The following PIBF1 variants were observed in gnomAD, a reference collection of about 807,000 sequenced individuals.
PIBF1 encodes the protein progesterone immunomodulatory binding factor 1.
PIBF1 carries 90 observed loss-of-function variants against 112.5 expected under a neutral mutation model. The observed-to-expected ratio is 0.80, with a 90% CI of 0.67 to 0.95. The LOEUF (loss-of-function observed/expected upper bound fraction) is 0.95. Among genes scored for constraint, PIBF1 ranks in the 40% least tolerant of loss-of-function variants. PIBF1 has a pLI of 0.00. For synonymous variants in PIBF1, 301 were observed against 288.6 expected (o/e 1.04, Z -0.44); for missense variants, 915 against 852.3 (o/e 1.07, Z -0.92).
chr13:72,868,913 G>A (rs1487182963), intron 10 of PIBF1, among the ~76,000 whole-genome samples: 1 of 150,968 alleles, frequency 6.6e-6, no homozygotes, highest in Non-Finnish European at 1.5e-5. Flanking sequence ...CATTCCACTT[G>A]AGATACCATC....
chr13:72,925,542 C>CTCT (rs2041450853), intron 13 of PIBF1, among the ~76,000 whole-genome samples: 1 of 102,032 alleles, frequency 9.8e-6, no homozygotes, highest in African/African-American at 3.8e-5. Flanking sequence ...CTTTCTCTCT[C>CTCT]TTTTTTTTTT....
chr13:72,794,285 A>G (rs1436598479), intron 3 of PIBF1, among the ~76,000 whole-genome samples: 1 of 152,178 alleles, frequency 6.6e-6, no homozygotes, highest in East Asian at 1.9e-4. Flanking sequence ...AGAGGAAAGG[A>G]TTTGGAGACA....
Position 72,906,652 on chromosome 13 carries a change from C to T in PIBF1, c.1489-1879C>T, listed in dbSNP as rs529161851. On this transcript the variant is annotated intron_variant, in intron 11 of 17. Coordinates refer to ENST00000326291, the MANE Select transcript of PIBF1 (RefSeq NM_006346.4). ...AGCCCACATCAGTAGTTTTTCAGGA[C>T]CTCTCTTTCACATTATGAAGATATT... is the stretch of plus-strand genomic sequence containing the variant. Among the ~76,000 whole-genome samples, 5 of 152,192 alleles carry T rather than the reference C, an allele frequency of 3.3e-5. No homozygotes were observed. The South Asian group carries it at 8.3e-4, about 25-fold the overall frequency.
At chr13:72,953,891 G>A (rs563180807) in intron 14 of PIBF1, among the ~76,000 whole-genome samples, 7 of 152,198 alleles carry the variant, frequency 4.6e-5, no homozygotes, top group Non-Finnish European at 8.8e-5. Flanking sequence ...GGCAATGGGC[G>A]GGGCTATGGA....
At chr13:72,853,431 G>A (rs1447758297) in intron 9 of PIBF1, among the ~76,000 whole-genome samples, 2 of 152,098 alleles carry the variant, frequency 1.3e-5, no homozygotes, top group East Asian at 1.9e-4. Flanking sequence ...ACTGAAAAGT[G>A]CTGTTCTACC....
chr13:72,986,767 T>C (rs1281264352), intron 16 of PIBF1, among the ~76,000 whole-genome samples: 1 of 147,998 alleles, frequency 6.8e-6, no homozygotes, highest in African/African-American at 2.5e-5. Context: ...CTCGGCTCAC[T>C]GCAAGCTCCG....
At chr13:72,868,668 A>C (rs2039024907) in intron 10 of PIBF1, among the ~76,000 whole-genome samples, 1 of 152,074 alleles carries the variant, frequency 6.6e-6, no homozygotes, top group African/African-American at 2.4e-5. Flanking sequence ...TATAACCAAT[A>C]TCACCTCTTC....
At chr13:72,993,302 G>C (rs1034808353) in intron 16 of PIBF1, among the ~76,000 whole-genome samples, 1 of 152,094 alleles carries the variant, frequency 6.6e-6, no homozygotes, top group Non-Finnish European at 1.5e-5. Flanking sequence ...TCCAGCCTGG[G>C]CGACAGAGCA....
intron 15 of PIBF1, among the ~76,000 whole-genome samples, chr13:72,965,658 A>G (rs1302400414): frequency 6.6e-6 from 1 of 152,224 alleles, no homozygotes; most frequent in African/African-American, 2.4e-5. Flanking sequence ...CATCTATCCT[A>G]GAGGACACAA....
chr13:72,895,581 A>G (rs1304537306), intron 11 of PIBF1, among the ~76,000 whole-genome samples: 1 of 151,960 alleles, frequency 6.6e-6, no homozygotes, highest in Admixed American at 6.6e-5. Context: ...ATAAATTTAA[A>G]CTTTTTTTTT....
chr13:72,887,755 A>G (rs1379033571), intron 10 of PIBF1, among the ~76,000 whole-genome samples: 1 of 152,028 alleles, frequency 6.6e-6, no homozygotes, highest in Non-Finnish European at 1.5e-5. Flanking sequence ...CTTTACCTGT[A>G]TGGGATATTA....
At chr13:72,790,463 A>ACACACT (rs1555280999) in intron 2 of PIBF1, among the ~76,000 whole-genome samples, 2 of 144,270 alleles carry the variant, frequency 1.4e-5, no homozygotes. Context: ...ACACACACAC[A>ACACACT]CTTATAGATA....
intron 12 of PIBF1, among the ~76,000 whole-genome samples, chr13:72,912,807 A>G (rs1157922049): frequency 6.6e-6 from 1 of 152,084 alleles, no homozygotes; most frequent in Non-Finnish European, 1.5e-5. Context: ...ACTTAACAAC[A>G]TGGATGAATC....
At chr13:72,889,970 TTAAA>T (rs1445103850) in intron 10 of PIBF1, among the ~76,000 whole-genome samples, 1 of 152,178 alleles carries the variant, frequency 6.6e-6, no homozygotes, top group African/African-American at 2.4e-5. Context: ...ATAAAAAAGA[TTAAA>T]TAAGCAGTTA....
At chr13:72,918,383 A>ATTT (rs60024983) in intron 13 of PIBF1, among the ~76,000 whole-genome samples, 3 of 102,954 alleles carry the variant, frequency 2.9e-5, no homozygotes, top group African/African-American at 4.1e-5. Context: ...GCAACTACCT[A>ATTT]TTTTTTTTTT....
At position 72,842,619 on chromosome 13, in the gene PIBF1, A is replaced by G. The variant is rs1285430934; in HGVS notation, c.1223+7251A>G. Among the ~76,000 whole-genome samples the G allele has an allele frequency of 3.9e-5, 6 of 152,212 alleles. No individual in the cohort carries two copies. The South Asian group carries it at 1.2e-3, about 31-fold the overall frequency. Reference sequence around the variant, plus strand: ...AGTTGAGTATATGTATTGTATTACAATGGTGAATTTAACTAGTGTACAGAG... The same window carrying G: ...AGTTGAGTATATGTATTGTATTACAGTGGTGAATTTAACTAGTGTACAGAG... On this transcript the variant is annotated intron_variant, in intron 9 of 17. Coordinates refer to ENST00000326291, the MANE Select transcript of PIBF1 (RefSeq NM_006346.4).
At chr13:73,001,597 T>TTTTTTTTTTTTTTTTTTTTTTTTTTTC (rs2043870689) in intron 17 of PIBF1, among the ~76,000 whole-genome samples, 1 of 146,508 alleles carries the variant, frequency 6.8e-6, no homozygotes, top group East Asian at 2.0e-4. Context: ...TTTTTTTTTT[T>TTTTTTTTTTTTTTTTTTTTTTTTTTTC]TTTGACACTT....
intron 16 of PIBF1, among the ~76,000 whole-genome samples, chr13:72,983,536 T>G (rs1300133737): frequency 1.3e-5 from 2 of 152,168 alleles, no homozygotes; most frequent in Non-Finnish European, 2.9e-5. Context: ...TGTCAGATAA[T>G]GAAAAGAAAA....
intron 12 of PIBF1, among the ~76,000 whole-genome samples, chr13:72,910,256 A>G (rs1280971221): frequency 6.6e-6 from 1 of 152,184 alleles, no homozygotes; most frequent in Non-Finnish European, 1.5e-5. Context: ...GTAACATTCA[A>G]ATTTTCATAT....
Sources: allele counts gnomAD v4.1 joint callset (sites outside exome capture counted in the v4.1 genomes callset), GRCh38; gene constraint gnomAD v4.1.1; transcripts MANE v1.5; gene names NCBI Gene and HGNC (gene_info 2026-07-23, HGNC 2026-07-21).